CRLF2: variants seen among roughly 807,000 people sequenced by gnomAD.
CRLF2 encodes cytokine receptor-like factor 2.
CRLF2 carries 41 observed loss-of-function variants against 38.7 expected under a neutral mutation model. The observed-to-expected ratio is 1.06, with a 90% CI of 0.83 to 1.37. CRLF2 has a LOEUF of 1.37. CRLF2 is among the 40% of genes most tolerant of loss of function. The pLI, the probability that CRLF2 is intolerant of heterozygous loss-of-function variation, is 0.00. For missense variants in CRLF2, 377 were observed against 322.2 expected, an observed-to-expected ratio of 1.17 and a Z score of -1.30; for synonymous variants, 140 against 128.8, an observed-to-expected ratio of 1.09 and a Z score of -0.59.
At chrX:1,211,658 T>C (rs748602275) in intron 1 of CRLF2, among the ~76,000 whole-genome samples, 53 of 112,234 alleles carry the variant, frequency 4.7e-4, no homozygotes, top group Non-Finnish European at 7.8e-4. Flanking sequence ...GATGGATAAG[T>C]GGATAAAAGT....
At chrX:1,207,258 G>A (rs2086707821) in intron 2 of CRLF2, among the ~76,000 whole-genome samples, 1 of 143,778 alleles carries the variant, frequency 7.0e-6, no homozygotes, top group Non-Finnish European at 1.5e-5. Context: ...TTTTTTATTT[G>A]TTCGTTTGTT....
intron 2 of CRLF2, among the ~76,000 whole-genome samples, chrX:1,207,583 A>T (rs1280179617): frequency 5.6e-5 from 8 of 142,676 alleles, no homozygotes; most frequent in African/African-American, 1.8e-4. Flanking sequence ...CCTTTTACAG[A>T]GGAAGAAACT....
intron 1 of CRLF2, 49 bp downstream of exon 1, chrX:1,212,507 G>T: frequency 7.3e-7 from 1 of 1,367,712 alleles, no homozygotes; most frequent in Non-Finnish European, 1.0e-6. Context: ...TGGTTGCAAA[G>T]CAAACCACAA....
intron 4 of CRLF2, among the ~76,000 whole-genome samples, chrX:1,201,178 C>T (rs1248796701): frequency 6.6e-6 from 1 of 152,056 alleles, no homozygotes; most frequent in Admixed American, 6.6e-5. Flanking sequence ...GGGACAGCTG[C>T]ATAGGACAGC....
chrX:1,208,086 GTAAAAA>G (rs2086724558), intron 2 of CRLF2, among the ~76,000 whole-genome samples: 1 of 152,286 alleles, frequency 6.6e-6, no homozygotes. Context: ...CTAAGCCAAA[GTAAAAA>G]TAAAAATAAA....
intron 4 of CRLF2, among the ~76,000 whole-genome samples, chrX:1,200,987 C>T (rs2086595498): frequency 6.6e-6 from 1 of 151,996 alleles, no homozygotes; most frequent in South Asian, 2.1e-4. Flanking sequence ...TTTACTTACA[C>T]ACACCTAGCT....
rs2086738441 is a variant in CRLF2 at position 1,208,906 on chromosome X, C to G, written c.82G>C (p.Glu28Gln). Residue 28 changes from glutamate (E) to glutamine (Q), a missense_variant and splice_region_variant, in exon 2 of 8, where the codon GAA (glutamate) becomes CAA (glutamine). Transcript: ENST00000400841. ...TAGATGATCTGAATCTGTACTCCTT[C>G]TGCTAGACACAGAGAGACGCATGAA... Reference protein sequence around the residue: ...WMALGQGGAAEGVQIQIIYFN... With the variant: ...WMALGQGGAAQGVQIQIIYFN... 4 of 1,563,692 alleles carry G rather than the reference C, an allele frequency of 2.6e-6. No homozygotes were observed. The highest frequency in any genetic ancestry group is 1.7e-5 in the Admixed American group (1 of 59,820).
intron 2 of CRLF2, among the ~76,000 whole-genome samples, chrX:1,207,657 G>A (rs2086716929): frequency 6.7e-6 from 1 of 148,374 alleles, no homozygotes; most frequent in South Asian, 2.1e-4. Context: ...TGAGGTTTTT[G>A]TTTTGTTTTG....
intron 6 of CRLF2, among the ~76,000 whole-genome samples, chrX:1,196,195 T>TG (rs2086471610): frequency 6.9e-6 from 1 of 145,754 alleles, no homozygotes; most frequent in Non-Finnish European, 1.5e-5. Context: ...TAATTTTTTT[T>TG]TTTTTTTTTT....
chrX:1,194,512 G>A (rs1362983068), intron 6 of CRLF2, among the ~76,000 whole-genome samples: 26 of 152,066 alleles, frequency 1.7e-4, no homozygotes, highest in East Asian at 1.4e-3. Flanking sequence ...AGTGAGCCAC[G>A]TCCTGTGCAC....
intron 7 of CRLF2, among the ~76,000 whole-genome samples, chrX:1,191,501 C>CTCTG (rs2086380326): frequency 1.3e-5 from 2 of 151,434 alleles, no homozygotes; most frequent in Non-Finnish European, 2.9e-5. Flanking sequence ...CATCCAGGAG[C>CTCTG]TCTGACACCA....
chrX:1,201,304 A>T (rs1235825525), intron 4 of CRLF2, among the ~76,000 whole-genome samples: 1 of 120,742 alleles, frequency 8.3e-6, no homozygotes, highest in Non-Finnish European at 1.7e-5. Flanking sequence ...GTGTCTGTGC[A>T]TGTCTGTGTG....
At position 1,202,440 on chromosome X, in the gene CRLF2, C is replaced by T; in HGVS notation, c.445G>A (p.Glu149Lys). ...TCGAAGGGGCTCCGGTACTGAACCT[C>T]ATAGAGGAGATCCCCGTAGGACAGG... ...SDLSYGDLLY[E>K]VQYRSPFDTE... The change falls in exon 4 of 8, where the codon GAG becomes AAG. Residue 149 changes from glutamate (E) to lysine (K), a missense_variant. Glu to Lys is a moderately conservative substitution (Grantham distance 56). Coordinates refer to ENST00000400841, the MANE Select transcript of CRLF2 (RefSeq NM_022148.4). 6.2e-7 allele frequency: 1 copy of T among 1,613,710 alleles called. No individual in the cohort carries two copies. Among genetic ancestry groups the T allele is most frequent in the Non-Finnish European group, 8.5e-7 (1 of 1,179,668 alleles).
intron 5 of CRLF2, 94 bp downstream of exon 5, chrX:1,198,468 G>T (rs1170873321): frequency 2.5e-5 from 32 of 1,290,766 alleles, no homozygotes; most frequent in Non-Finnish European, 3.5e-5. Context: ...TCGAAGGCAG[G>T]ACACCCTCCC....
chrX:1,202,195 T>G (rs1237852125), intron 4 of CRLF2, among the ~76,000 whole-genome samples: 5 of 152,058 alleles, frequency 3.3e-5, no homozygotes, highest in African/African-American at 1.2e-4. Flanking sequence ...TATTATTGGT[T>G]CTCTTTCTCT....
At chrX:1,206,835 G>A (rs1376646797) in intron 2 of CRLF2, among the ~76,000 whole-genome samples, 1 of 150,812 alleles carries the variant, frequency 6.6e-6, no homozygotes, top group African/African-American at 2.4e-5. Context: ...TGGAGACAGG[G>A]TTTCACCATG....
At chrX:1,204,065 G>A (rs181626645) in intron 3 of CRLF2, among the ~76,000 whole-genome samples, 2 of 133,098 alleles carry the variant, frequency 1.5e-5, no homozygotes, top group African/African-American at 5.5e-5. Context: ...ACCAGCCTGG[G>A]CAACAGAGCA....
At position 1,212,630 on chromosome X, in the gene CRLF2, C is replaced by G. The variant is rs2086826167; in HGVS notation, c.5G>C (p.Gly2Ala). 6.2e-7 allele frequency: 1 copy of G among 1,611,644 alleles called. No individual in the cohort carries two copies. Among genetic ancestry groups the G allele is most frequent in the African/African-American group, 1.3e-5 (1 of 74,834 alleles). The change falls in exon 1 of 8, where the codon GGG becomes GCG. Residue 2 changes from glycine to alanine, a missense_variant. By Grantham distance (60) the Gly-to-Ala change is moderately conservative. Coordinates refer to ENST00000400841, the MANE Select transcript of CRLF2 (RefSeq NM_022148.4). M[G>A]RLVLLWGAAV... The stretch of plus-strand genomic sequence containing the variant: ...AGCTCCCCACAGCAGAACCAGCCGC[C>G]CCATGCCTGAAACAGGAGTGGAGAG...
intron 4 of CRLF2, among the ~76,000 whole-genome samples, chrX:1,199,335 T>C (rs2086559684): frequency 6.6e-6 from 1 of 151,754 alleles, no homozygotes; most frequent in Non-Finnish European, 1.5e-5. Context: ...GACAGAGTCT[T>C]GCTCTGTTGC....
Sources: allele counts gnomAD v4.1 joint callset (sites outside exome capture counted in the v4.1 genomes callset), GRCh38; gene constraint gnomAD v4.1.1; transcripts MANE v1.5; gene names NCBI Gene and HGNC (gene_info 2026-07-23, HGNC 2026-07-21).